The following GMPPA variants were observed in gnomAD, a reference collection of about 807,000 sequenced individuals.
The protein encoded by GMPPA is mannose-1-phosphate guanylyltransferase regulatory subunit alpha.
Under a neutral mutation model 58.6 loss-of-function variants are expected in GMPPA, and 46 were observed. That is an observed-to-expected ratio of 0.78 (90% confidence interval 0.62 to 1.00). The LOEUF (loss-of-function observed/expected upper bound fraction) is 1.00, where lower values mean the gene tolerates loss of function less well. Ranked by LOEUF, GMPPA falls within the 50% of genes least tolerant of loss-of-function variation. The probability of loss-of-function intolerance (pLI) is 0.00; values close to 1 mark genes in which losing one functional copy is unlikely to be tolerated. For synonymous variants in GMPPA, 211 were observed against 214.9 expected (o/e 0.98, Z 0.16); for missense variants, 468 against 556.4 (o/e 0.84, Z 1.60).
chr2:219,502,231 G>C lies in GMPPA; in HGVS notation c.430-151G>C, dbSNP rs2385539. The C allele has an allele frequency of 0.6, 494,222 of 830,192 alleles. 155,874 individuals carry two copies. Among genetic ancestry groups the C allele is most frequent in the East Asian group, 0.72 (27,612 of 38,154 alleles). The allele number at this position is 830,192 out of a possible 1,614,324, so 51.4% of individuals were successfully genotyped here. On this transcript the variant is annotated intron_variant, in intron 5 of 12. Coordinates refer to ENST00000313597, the MANE Select transcript of GMPPA (RefSeq NM_013335.4). This position sits in a 1 kb window ranked among gnomAD's most constrained non-coding sequence, Gnocchi z 4.0. ...CCTCTGGCTGTTCAGAAGTAGGGAG[G>C]GGGAGGGCAGCTGTCAGTTTCCACC...
chr2:219,503,511 C>T (rs1694471440), intron 6 of GMPPA, among the ~76,000 whole-genome samples: 1 of 152,176 alleles, frequency 6.6e-6, no homozygotes, highest in Non-Finnish European at 1.5e-5. Context: ...CACACCTACA[C>T]ACATATAGTT....
At chr2:219,503,016 T>A (rs955730623) in intron 6 of GMPPA, among the ~76,000 whole-genome samples, 48 of 152,220 alleles carry the variant, frequency 3.2e-4, no homozygotes, top group African/African-American at 9.9e-4. Flanking sequence ...TCTTCCAGGC[T>A]GGAGTGCAGT....
intron 6 of GMPPA, among the ~76,000 whole-genome samples, chr2:219,503,660 G>A (rs1228208857): frequency 3.9e-5 from 6 of 152,192 alleles, no homozygotes; most frequent in African/African-American, 1.2e-4. Context: ...TGGGTGAGGC[G>A]TGGCCAGAGT....
chr2:219,504,239 A>G (rs1165334431), intron 7 of GMPPA, 26 bp downstream of exon 7: 1 of 1,608,722 alleles, frequency 6.2e-7, no homozygotes, highest in Non-Finnish European at 8.5e-7. Context: ...TAGCCCTGTG[A>G]CCCCAAGTAC....
Position 219,506,782 on chromosome 2 carries a change from AC to A in GMPPA, c.1249del (p.Gln417ArgfsTer6). On this transcript the variant is annotated frameshift_variant, in exon 13 of 13. Coordinates refer to ENST00000313597, the MANE Select transcript of GMPPA (RefSeq NM_013335.4). LOFTEE classifies it high-confidence loss of function. ...PHKELSRSFT[N>X]QIIL ...AAGGAGCTGAGCCGAAGCTTCACCA[AC>A]CAGATCATCCTCTGAGTAGGGCTGC... is the stretch of plus-strand genomic sequence containing the variant. 6.4e-7 allele frequency: 1 copy of A among 1,551,456 alleles called. No individual in the cohort carries two copies. Among genetic ancestry groups the A allele is most frequent in the Non-Finnish European group, 8.9e-7 (1 of 1,122,932 alleles).
intron 6 of GMPPA, among the ~76,000 whole-genome samples, chr2:219,503,155 C>G (rs1195590725): frequency 6.7e-6 from 1 of 148,424 alleles, no homozygotes; most frequent in Non-Finnish European, 1.5e-5. Context: ...TTTTTTGAGA[C>G]AGAGTCTCAC....
Position 219,506,792 on chromosome 2 carries a change from C to T in GMPPA, c.1257C>T (p.Ile419=). ...ELSRSFTNQI[I]L ...GCCGAAGCTTCACCAACCAGATCAT[C>T]CTCTGAGTAGGGCTGCCAGAAGGCC... Residue 419 remains isoleucine, a synonymous_variant, in exon 13 of 13, where the codon ATC becomes ATT. Coordinates refer to ENST00000313597, the MANE Select transcript of GMPPA (RefSeq NM_013335.4). The T allele has an allele frequency of 6.6e-7, 1 of 1,506,018 alleles. No homozygotes were observed. Among genetic ancestry groups the T allele is most frequent in the Non-Finnish European group, 9.2e-7 (1 of 1,081,370 alleles). The allele number at this position is 1,506,018 out of a possible 1,614,324, so 93.3% of individuals were successfully genotyped here. A position where few individuals can be genotyped will look rare whatever the true frequency, so the allele number is the denominator to read the frequency against.
chr2:219,505,680 G>C, intron 9 of GMPPA, 35 bp from the exon 10 acceptor site: 1 of 1,612,012 alleles, frequency 6.2e-7, no homozygotes, highest in Middle Eastern at 1.7e-4. Context: ...TTCGGTTTGG[G>C]ATATTTGCCC....
Position 219,505,573 on chromosome 2 carries a change from A to C in GMPPA, c.853+18A>C. 1 of 1,569,636 alleles carries C rather than the reference A, an allele frequency of 6.4e-7. No homozygotes were observed. Among genetic ancestry groups the C allele is most frequent in the Non-Finnish European group, 8.7e-7 (1 of 1,155,574 alleles). Reference sequence around the variant, plus strand: ...GATCCGAGGTACCCAGCCTGCCCCAATTCCTAACCTTTGGCTTCCACCCCA... The same window carrying C: ...GATCCGAGGTACCCAGCCTGCCCCACTTCCTAACCTTTGGCTTCCACCCCA... On this transcript the variant is annotated intron_variant, in intron 9 of 12. Transcript: ENST00000313597.
chr2:219,505,234 C>A lies in GMPPA; in HGVS notation c.627C>A (p.Asp209Glu). The A allele has an allele frequency of 6.2e-7, 1 of 1,613,594 alleles. No individual in the cohort carries two copies. Reference protein sequence around the residue: ...QRNQQDGQLEDSPGLWPGAGT... With the variant: ...QRNQQDGQLEESPGLWPGAGT... ...CATTCTTCCTCTCTGCCAGGGAGGA[C>A]TCACCAGGCTTGTGGCCAGGGGCAG... The change falls in exon 8 of 13, where the codon GAC (aspartate) becomes GAA (glutamate). Residue 209 changes from aspartate to glutamate, a missense_variant. Physicochemically the swap from Asp to Glu is conservative, Grantham distance 45 (BLOSUM62 2). Coordinates refer to ENST00000313597, the MANE Select transcript of GMPPA (RefSeq NM_013335.4).
chr2:219,506,484 G>A (rs1183981844), intron 12 of GMPPA, 62 bp downstream of exon 12: 1 of 1,502,690 alleles, frequency 6.7e-7, no homozygotes, highest in South Asian at 1.2e-5. Context: ...TGGCCCCGGG[G>A]AGCATTCGTT....
Position 219,505,516 on chromosome 2 carries a change from CG to C in GMPPA, c.816del (p.Leu273TrpfsTer39). ...LSRYQDTHPERLAKHTPGGPW... is the reference protein window; with the variant it reads ...LSRYQDTHPEXLAKHTPGGPW... Reference sequence around the variant, plus strand: ...CCGATACCAGGACACTCACCCAGAACGGCTGGCCAAGCACACCCCAGGGGGC... The same window carrying C: ...CCGATACCAGGACACTCACCCAGAACGCTGGCCAAGCACACCCCAGGGGGC... On this transcript the variant is annotated frameshift_variant, in exon 9 of 13. Coordinates refer to ENST00000313597, the MANE Select transcript of GMPPA (RefSeq NM_013335.4). LOFTEE classifies it high-confidence loss of function. The C allele has an allele frequency of 6.4e-7, 1 of 1,573,540 alleles. No homozygotes were observed. Among genetic ancestry groups the C allele is most frequent in the Non-Finnish European group, 8.6e-7 (1 of 1,159,392 alleles).
intron 7 of GMPPA, chr2:219,504,800 A>G (rs1005815488): frequency 5.0e-5 from 50 of 990,720 alleles, no homozygotes; most frequent in Non-Finnish European, 6.1e-5. Context: ...CTGAGCTGGC[A>G]TCTCTACCAT....
Position 219,502,245 on chromosome 2 carries a change from T to C in GMPPA, c.430-137T>C. ...GAAGTAGGGAGGGGGAGGGCAGCTG[T>C]CAGTTTCCACCCTTGCTGAAGGCCT... On this transcript the variant is annotated intron_variant, in intron 5 of 12. Coordinates refer to ENST00000313597, the MANE Select transcript of GMPPA (RefSeq NM_013335.4). This position sits in a 1 kb window ranked among gnomAD's most constrained non-coding sequence, Gnocchi z 4.0. The C allele has an allele frequency of 3.4e-6, 3 of 875,668 alleles. No individual in the cohort carries two copies. The South Asian group carries it at 4.6e-5, about 13-fold the overall frequency. 54.2% of individuals were successfully genotyped at this position (875,668 alleles called of 1,614,324 possible). A position where few individuals can be genotyped will look rare whatever the true frequency, so the allele number is the denominator to read the frequency against.
rs1430916939 is a variant in GMPPA, at chr2:219,501,538, G to C, written c.201G>C (p.Gln67His). The C allele has an allele frequency of 4.3e-6, 7 of 1,613,032 alleles. No individual in the cohort carries two copies. In the African/African-American group the frequency reaches 8.0e-5, roughly 18 times the overall value. Residue 67 changes from glutamine to histidine, a missense_variant, in exon 4 of 13, where the codon CAG becomes CAC. Physicochemically the swap from Gln to His is conservative, Grantham distance 24 (BLOSUM62 0). Coordinates refer to ENST00000313597, the MANE Select transcript of GMPPA (RefSeq NM_013335.4). ...ACCAACCTGATGAGCCCCTCACCCA[G>C]TTCCTAGAAGCCGCCCAGCAGGAGT... The part of the protein sequence containing the change: ...GFYQPDEPLT[Q>H]FLEAAQQEFN...
At chr2:219,504,248 AC>A in intron 7 of GMPPA, 35 bp downstream of exon 7, 1 of 1,604,876 alleles carries the variant, frequency 6.2e-7, no homozygotes, top group Non-Finnish European at 8.5e-7. Flanking sequence ...GACCCCAAGT[AC>A]CCCCAGTCAC....
Position 219,506,045 on chromosome 2 carries a change from C to G in GMPPA, c.966C>G (p.Ser322Arg). 6.3e-7 allele frequency: 1 copy of G among 1,591,202 alleles called. No individual in the cohort carries two copies. Among genetic ancestry groups the G allele is most frequent in the South Asian group, 1.1e-5 (1 of 89,086 alleles). The change falls in exon 11 of 13, where the codon AGC (serine) becomes AGG (arginine). Residue 322 changes from serine to arginine, a missense_variant. Ser to Arg is a moderately radical substitution (Grantham distance 110). Coordinates refer to ENST00000313597, the MANE Select transcript of GMPPA (RefSeq NM_013335.4). ...GTGAGGGTGTGCGGCTCCGGGAGAG[C>G]ATCGTCCTCCATGGAGCCACTTTGC... ...TVGEGVRLRE[S>R]IVLHGATLQE... is the part of the protein sequence containing the mutation.
chr2:219,505,860 G>A (rs1042225128), intron 10 of GMPPA, 99 bp downstream of exon 10: 2 of 1,171,184 alleles, frequency 1.7e-6, no homozygotes, highest in Non-Finnish European at 2.4e-6. Context: ...TCTTCACTTT[G>A]TCACAGCCTA....
chr2:219,506,347 A>G lies in GMPPA; in HGVS notation c.1087A>G (p.Asn363Asp). 2 of 1,613,874 alleles carry G rather than the reference A, an allele frequency of 1.2e-6. No homozygotes were observed. The highest frequency in any genetic ancestry group is 2.2e-5 in the South Asian group (2 of 91,082). Residue 363 changes from asparagine to aspartate, a missense_variant, in exon 12 of 13, where the codon AAC becomes GAC. By Grantham distance (23) the Asn-to-Asp change is conservative. Coordinates refer to ENST00000313597, the MANE Select transcript of GMPPA (RefSeq NM_013335.4). ...VEGTPSDPNPNDPRARMDSES... is the reference protein window; with the variant it reads ...VEGTPSDPNPDDPRARMDSES... ...GGGTACCCCCAGTGACCCTAACCCC[A>G]ACGATCCCCGAGCCCGCATGGACAG...
Sources: gnomAD v4.1 joint callset for allele counts (sites outside exome capture counted in the v4.1 genomes callset) on GRCh38, gnomAD v4.1.1 for gene constraint, Gnocchi (gnomAD v3.1) non-coding constraint, MANE v1.5 for transcripts, NCBI Gene and HGNC (gene_info 2026-07-23, HGNC 2026-07-21) for gene names.